The following TEAD4 variants were observed in gnomAD, a reference collection of about 807,000 sequenced individuals.
TEAD4 encodes the protein TEA domain transcription factor 4, also known as transcriptional enhancer factor TEF-3.
Under a neutral mutation model 52.4 loss-of-function variants are expected in TEAD4, and 36 were observed. The observed-to-expected ratio is 0.69, with a 90% CI of 0.53 to 0.91. The LOEUF (loss-of-function observed/expected upper bound fraction) is 0.91. Ranked by LOEUF, TEAD4 falls within the 40% of genes least tolerant of loss-of-function variation. The pLI, the probability that TEAD4 is intolerant of heterozygous loss-of-function variation, is 0.00. For missense variants in TEAD4, 508 were observed against 583.9 expected, an observed-to-expected ratio of 0.87 and a Z score of 1.34; for synonymous variants, 220 against 231.0, an observed-to-expected ratio of 0.95 and a Z score of 0.43.
intron 10 of TEAD4, among the ~76,000 whole-genome samples, chr12:3,030,056 A>G (rs1455728001): frequency 3.9e-5 from 6 of 152,104 alleles, no homozygotes; most frequent in Non-Finnish European, 7.3e-5. Context: ...GCTGGCTTTC[A>G]CTTAACTCTC....
chr12:3,017,975 C>T (rs2098265808), intron 6 of TEAD4, among the ~76,000 whole-genome samples: 1 of 152,190 alleles, frequency 6.6e-6, no homozygotes, highest in Admixed American at 6.5e-5. Context: ...ACTTTCCCAG[C>T]CATGACCATG....
At position 2,986,660 on chromosome 12, in the gene TEAD4, T is replaced by A. The variant is rs956092162; in HGVS notation, c.-29-8078T>A. 2.5e-4 allele frequency among the ~76,000 whole-genome samples: 37 copies of A among 149,960 alleles called. No individual in the cohort carries two copies. The East Asian group carries it at 3.5e-3, about 14-fold the overall frequency. On this transcript the variant is annotated intron_variant, in intron 2 of 12. Transcript: ENST00000359864. ...GTCTCAAAAAATAAAAAAAAATAAATAAATAAAATAGATATAATAAAAAGA... is the reference window on the plus strand; with the variant it reads ...GTCTCAAAAAATAAAAAAAAATAAAAAAATAAAATAGATATAATAAAAAGA...
rs61140040 is a variant in TEAD4 at position 2,976,008 on chromosome 12, A to ATT, written c.-30+15982_-30+15983dup. Among the ~76,000 whole-genome samples, 512 of 145,582 alleles carry ATT rather than the reference A, an allele frequency of 3.5e-3. 5 individuals carry two copies. The highest frequency in any genetic ancestry group is 0.01 in the African/African-American group (398 of 39,512). ...TTTCCTCCATGTCTTTTCATAGCTC[A>ATT]TTTTTTTTTTTTTTTGAGACAAAGT... is the stretch of plus-strand genomic sequence containing the variant. On this transcript the variant is annotated intron_variant, in intron 2 of 12. Transcript: ENST00000359864.
intron 5 of TEAD4, among the ~76,000 whole-genome samples, chr12:3,013,650 C>G (rs2098262175): frequency 6.6e-6 from 1 of 152,166 alleles, no homozygotes; most frequent in African/African-American, 2.4e-5. Flanking sequence ...AGGAGAATCA[C>G]TTGAACCTGG....
At chr12:3,036,852 G>A (rs2098279721) in intron 10 of TEAD4, among the ~76,000 whole-genome samples, 1 of 152,100 alleles carries the variant, frequency 6.6e-6, no homozygotes, top group Non-Finnish European at 1.5e-5. Context: ...GTCTCATCTG[G>A]TGCCTTCCTT....
At chr12:3,015,708 T>A (rs929739028) in intron 5 of TEAD4, among the ~76,000 whole-genome samples, 1 of 152,150 alleles carries the variant, frequency 6.6e-6, no homozygotes, top group Admixed American at 6.5e-5. Flanking sequence ...CAGGCTGGAG[T>A]GCAGTAGTGC....
chr12:3,021,194 C>T (rs1017000333), intron 9 of TEAD4, among the ~76,000 whole-genome samples: 20 of 152,126 alleles, frequency 1.3e-4, no homozygotes, highest in African/African-American at 4.8e-4. Context: ...CTGTCCCCTT[C>T]GGTGTCCAGT....
intron 2 of TEAD4, among the ~76,000 whole-genome samples, chr12:2,984,127 GGGCTT>G (rs1298780710): frequency 6.6e-6 from 1 of 152,176 alleles, no homozygotes; most frequent in Non-Finnish European, 1.5e-5. Flanking sequence ...GCTGAGTTTG[GGGCTT>G]GGAGGTGGGT....
intron 10 of TEAD4, among the ~76,000 whole-genome samples, chr12:3,023,401 A>G (rs1316243428): frequency 6.6e-6 from 1 of 152,176 alleles, no homozygotes; most frequent in African/African-American, 2.4e-5. Context: ...GGAATGAAAA[A>G]TAAGTAGTAT....
chr12:3,036,795 G>A (rs1171511589), intron 10 of TEAD4, among the ~76,000 whole-genome samples: 2 of 152,136 alleles, frequency 1.3e-5, no homozygotes, highest in South Asian at 2.1e-4. Flanking sequence ...AAGGCGTAGG[G>A]CTTCAGGAAT....
At chr12:3,012,263 G>A in intron 5 of TEAD4, 31 bp downstream of exon 5, 1 of 1,610,908 alleles carries the variant, frequency 6.2e-7, no homozygotes, top group Non-Finnish European at 8.5e-7. Flanking sequence ...GTGCTGGAGT[G>A]GCCAGGAGTG....
At chr12:3,023,649 G>C (rs1232650339) in intron 10 of TEAD4, among the ~76,000 whole-genome samples, 1 of 151,652 alleles carries the variant, frequency 6.6e-6, no homozygotes, top group African/African-American at 2.4e-5. Context: ...AAATTAGACA[G>C]GCGTGGTGGC....
chr12:3,034,955 G>A (rs1185924582), intron 10 of TEAD4, among the ~76,000 whole-genome samples: 1 of 151,632 alleles, frequency 6.6e-6, no homozygotes, highest in Admixed American at 6.6e-5. Flanking sequence ...ACAAAAACTA[G>A]CCGAGCGTGG....
At chr12:3,037,937 A>T (rs999145029) in intron 10 of TEAD4, 31 bp from the exon 11 acceptor site, 6 of 1,595,492 alleles carry the variant, frequency 3.8e-6, no homozygotes, top group African/African-American at 1.3e-5. Flanking sequence ...ACCTGCTGAC[A>T]CTCCCTCGCC....
Position 3,012,151 on chromosome 12 carries a change from T to C in TEAD4, c.292-19T>C, listed in dbSNP as rs1212187169. On this transcript the variant is annotated intron_variant, in intron 4 of 12. Transcript: ENST00000359864. ...GGTTGTTGGGAGGTAGAGACAGGAG[T>C]CCTCTCTCCCTGCCACAGGTCTCCA... The C allele has an allele frequency of 5.6e-6, 9 of 1,612,534 alleles. No individual in the cohort carries two copies. Among genetic ancestry groups the C allele is most frequent in the Admixed American group, 1.7e-5 (1 of 59,870 alleles).
At chr12:3,040,044 T>G in intron 11 of TEAD4, 63 bp from the exon 12 acceptor site, 1 of 1,591,704 alleles carries the variant, frequency 6.3e-7, no homozygotes, top group Non-Finnish European at 8.6e-7. Flanking sequence ...CCCGTGGAGT[T>G]GGGTCTGGGC....
At chr12:3,013,005 G>A (rs975092731) in intron 5 of TEAD4, among the ~76,000 whole-genome samples, 2 of 152,180 alleles carry the variant, frequency 1.3e-5, no homozygotes, top group Non-Finnish European at 2.9e-5. Context: ...CACGCTCAGT[G>A]CAGTGACGCA....
At chr12:3,005,504 T>A (rs2098255139) in intron 3 of TEAD4, among the ~76,000 whole-genome samples, 1 of 149,924 alleles carries the variant, frequency 6.7e-6, no homozygotes, top group Non-Finnish European at 1.5e-5. Flanking sequence ...TTTGTTTGTT[T>A]ATTTTTTTTT....
chr12:3,027,362 T>C (rs1013344487), intron 10 of TEAD4, among the ~76,000 whole-genome samples: 1 of 152,232 alleles, frequency 6.6e-6, no homozygotes, highest in African/African-American at 2.4e-5. Flanking sequence ...TTGGTGTCTT[T>C]AGTTCTTAGC....
Sources: gnomAD v4.1 joint callset for allele counts (sites outside exome capture counted in the v4.1 genomes callset) on GRCh38, gnomAD v4.1.1 for gene constraint, MANE v1.5 for transcripts, NCBI Gene and HGNC (gene_info 2026-07-23, HGNC 2026-07-21) for gene names.